The following ERBB4 variants were observed in gnomAD, a reference collection of about 807,000 sequenced individuals.
The protein encoded by ERBB4 is erb-b2 receptor tyrosine kinase 4.
Under a neutral mutation model 158.0 loss-of-function variants are expected in ERBB4, and 42 were observed. The observed-to-expected ratio is 0.27, with a 90% CI of 0.21 to 0.34. The LOEUF is 0.34. Ranked by LOEUF, ERBB4 falls within the 10% of genes least tolerant of loss-of-function variation. The pLI is 1.00. For synonymous variants in ERBB4, 583 were observed against 558.7 expected, an observed-to-expected ratio of 1.04 and a Z score of -0.61; for missense variants, 1,333 against 1,624.1, an observed-to-expected ratio of 0.82 and a Z score of 3.08.
rs2125858158 is a variant in ERBB4 at position 211,623,967 on chromosome 2, C to T, written c.2157G>A (p.Lys719=). 19 of 1,614,164 alleles carry T rather than the reference C, an allele frequency of 1.2e-5. No homozygotes were observed. Among genetic ancestry groups the T allele is most frequent in the Non-Finnish European group, 1.6e-5 (19 of 1,180,010 alleles). ...QLRILKETEL[K]RVKVLGSGAF... ...CACCTGAGCCAAGGACTTTTACCCT[C>T]TTCAGCTCAGTTTCTTTCAAAATAC... The change falls in exon 18 of 28, where the codon AAG becomes AAA. Residue 719 remains lysine (K), a synonymous_variant. Coordinates refer to ENST00000342788, the MANE Select transcript of ERBB4 (RefSeq NM_005235.3).
In ERBB4 at chr2:212,524,752, C is replaced by T. The variant is rs117597773; in HGVS notation, c.82+13697G>A. ...GTGATACACTTATCTCAGAAAAATG[C>T]ATTTCTCGAACCGGCTAATACTTAA... On this transcript the variant is annotated intron_variant, in intron 1 of 27. Transcript: ENST00000342788. 8.3e-4 allele frequency among the ~76,000 whole-genome samples: 126 copies of T among 152,102 alleles called. 1 individual carries two copies. The East Asian group carries it at 0.019, about 23-fold the overall frequency.
Position 211,772,908 on chromosome 2 carries a change from T to TACACACACACACAC in ERBB4, c.556+15103_556+15116dup, listed in dbSNP as rs200843814. On this transcript the variant is annotated intron_variant, in intron 4 of 27. Coordinates refer to ENST00000342788, the MANE Select transcript of ERBB4 (RefSeq NM_005235.3). ...ATACACACACACACACATATATATA[T>TACACACACACACAC]ACACACACACACACACATATATATA... 7.5e-4 allele frequency among the ~76,000 whole-genome samples: 46 copies of TACACACACACACAC among 61,304 alleles called. 1 individual carries two copies. Among genetic ancestry groups the TACACACACACACAC allele is most frequent in the African/African-American group, 3.3e-3 (45 of 13,558 alleles). 40.2% of individuals were successfully genotyped at this position (61,304 alleles called of 152,430 possible). A position where few individuals can be genotyped will look rare whatever the true frequency, so the allele number is the denominator to read the frequency against.
chr2:211,414,546 G>GA (rs2063341824), intron 25 of ERBB4, among the ~76,000 whole-genome samples: 1 of 145,882 alleles, frequency 6.9e-6, no homozygotes, highest in East Asian at 2.1e-4. Flanking sequence ...AGAAAAGAAA[G>GA]AAAATACAAT....
intron 1 of ERBB4, among the ~76,000 whole-genome samples, chr2:212,292,047 G>C (rs1455647671): frequency 1.3e-5 from 2 of 151,652 alleles, no homozygotes; most frequent in Admixed American, 6.6e-5. Flanking sequence ...TGTAATTCTG[G>C]AAAAACATTT....
intron 1 of ERBB4, among the ~76,000 whole-genome samples, chr2:212,325,829 A>C (rs1260059354): frequency 6.6e-6 from 1 of 150,526 alleles, no homozygotes; most frequent in Non-Finnish European, 1.5e-5. Context: ...GGGTTGGGGG[A>C]GAGGTGTATA....
At chr2:211,675,779 A>G (rs1012088313) in intron 13 of ERBB4, among the ~76,000 whole-genome samples, 9 of 82,892 alleles carry the variant, frequency 1.1e-4, no homozygotes, top group African/African-American at 2.8e-4. Context: ...TAATATATAT[A>G]TAAAATATAA....
chr2:212,501,625 T>C (rs1182164458), intron 1 of ERBB4, among the ~76,000 whole-genome samples: 2 of 152,190 alleles, frequency 1.3e-5, no homozygotes, highest in Non-Finnish European at 2.9e-5. Flanking sequence ...CTGAAAATCA[T>C]ACCTGTCTTG....
intron 1 of ERBB4, among the ~76,000 whole-genome samples, chr2:212,139,354 T>C (rs2080370846): frequency 6.6e-6 from 1 of 152,018 alleles, no homozygotes; most frequent in Non-Finnish European, 1.5e-5. Flanking sequence ...TAGTATACAA[T>C]ATTTGCATTT....
intron 2 of ERBB4, among the ~76,000 whole-genome samples, chr2:212,113,006 C>T (rs2079459615): frequency 1.3e-5 from 2 of 152,012 alleles, no homozygotes; most frequent in Non-Finnish European, 2.9e-5. Context: ...CTAACACAGG[C>T]CTAAACAATG....
chr2:211,818,328 C>T (rs1382075363), intron 3 of ERBB4, among the ~76,000 whole-genome samples: 3 of 152,130 alleles, frequency 2.0e-5, no homozygotes, highest in Non-Finnish European at 1.5e-5. Flanking sequence ...ATAACAAACA[C>T]AGTTTCCACC....
intron 3 of ERBB4, among the ~76,000 whole-genome samples, chr2:211,794,620 C>G (rs989879906): frequency 4.6e-5 from 7 of 151,804 alleles, no homozygotes; most frequent in Non-Finnish European, 1.0e-4. Flanking sequence ...CATTGTAAAT[C>G]CCATAAAATA....
intron 5 of ERBB4, among the ~76,000 whole-genome samples, chr2:211,741,851 C>A (rs1314075523): frequency 6.6e-6 from 1 of 152,102 alleles, no homozygotes; most frequent in Non-Finnish European, 1.5e-5. Flanking sequence ...TAAATTACAA[C>A]AAATATTATC....
At chr2:212,499,891 G>T (rs1690788489) in intron 1 of ERBB4, among the ~76,000 whole-genome samples, 1 of 151,872 alleles carries the variant, frequency 6.6e-6, no homozygotes, top group Admixed American at 6.6e-5. Context: ...AAAAGAATAG[G>T]GATTTATTCA....
chr2:211,866,512 G>A (rs1480368416), intron 3 of ERBB4, among the ~76,000 whole-genome samples: 1 of 152,068 alleles, frequency 6.6e-6, no homozygotes, highest in African/African-American at 2.4e-5. Flanking sequence ...TGAATTGTCA[G>A]CAAGGAGAAA....
At chr2:212,021,844 A>T (rs1230237608) in intron 2 of ERBB4, among the ~76,000 whole-genome samples, 1 of 151,552 alleles carries the variant, frequency 6.6e-6, no homozygotes, top group Non-Finnish European at 1.5e-5. Flanking sequence ...AAAAAAAAAC[A>T]TTAAAAACTG....
At chr2:212,073,310 G>C (rs2078180180) in intron 2 of ERBB4, among the ~76,000 whole-genome samples, 1 of 151,950 alleles carries the variant, frequency 6.6e-6, no homozygotes, top group Non-Finnish European at 1.5e-5. Context: ...GAGGATGATA[G>C]GTTTGCATTT....
At position 211,518,062 on chromosome 2, in the gene ERBB4, A is replaced by G. The variant is rs2066084677; in HGVS notation, c.2487+43841T>C. Among the ~76,000 whole-genome samples the G allele has an allele frequency of 2.0e-5, 3 of 149,302 alleles. No homozygotes were observed. In the South Asian group the frequency reaches 6.2e-4, roughly 31 times the overall value. ...AATGTATCTACTCTTATTATCTATA[A>G]TTCCTCATATTCCTCATATTTATGT... On this transcript the variant is annotated intron_variant, in intron 20 of 27. Transcript: ENST00000342788.
At chr2:212,325,052 C>G (rs185960500) in intron 1 of ERBB4, among the ~76,000 whole-genome samples, 1 of 150,578 alleles carries the variant, frequency 6.6e-6, no homozygotes, top group East Asian at 1.9e-4. Context: ...CTTTAGAATG[C>G]GTTTGCAGTA....
chr2:211,759,806 A>AGTGTGTGTGTGT (rs67981670), intron 4 of ERBB4, among the ~76,000 whole-genome samples: 2 of 150,048 alleles, frequency 1.3e-5, no homozygotes, highest in African/African-American at 4.9e-5. Context: ...CATTTTCTAG[A>AGTGTGTGTGTGT]GTGTGTGTGT....
Sources: gnomAD v4.1 joint callset for allele counts (sites outside exome capture counted in the v4.1 genomes callset) on GRCh38, gnomAD v4.1.1 for gene constraint, MANE v1.5 for transcripts, NCBI Gene and HGNC (gene_info 2026-07-23, HGNC 2026-07-21) for gene names.